The following LPP variants were observed in gnomAD, a reference collection of about 807,000 sequenced individuals.
The protein encoded by LPP is LIM domain containing preferred translocation partner in lipoma.
LPP carries 38 observed loss-of-function variants against 60.4 expected under a neutral mutation model. The observed-to-expected ratio is 0.63, with a 90% confidence interval of 0.49 to 0.83. The LOEUF is 0.83. Among genes scored for constraint, LPP ranks in the 40% least tolerant of loss-of-function variants. The pLI is 0.00. For missense variants in LPP, 902 were observed against 783.6 expected, an observed-to-expected ratio of 1.15 and a Z score of -1.80; for synonymous variants, 328 against 290.8, an observed-to-expected ratio of 1.13 and a Z score of -1.30.
intron 5 of LPP, among the ~76,000 whole-genome samples, chr3:188,523,161 C>G (rs921777288): frequency 6.6e-6 from 1 of 152,030 alleles, no homozygotes; most frequent in Non-Finnish European, 1.5e-5. Flanking sequence ...CCCGCCTTGG[C>G]CTCGAAACCT....
intron 4 of LPP, among the ~76,000 whole-genome samples, chr3:188,406,803 T>G (rs1471126067): frequency 6.6e-6 from 1 of 152,168 alleles, no homozygotes; most frequent in African/African-American, 2.4e-5. Context: ...GAAGGATAAG[T>G]TGTCTAGAGT....
intron 7 of LPP, among the ~76,000 whole-genome samples, chr3:188,677,707 A>T (rs1858437679): frequency 6.6e-6 from 1 of 152,216 alleles, no homozygotes; most frequent in East Asian, 1.9e-4. Context: ...TTACATTAAG[A>T]GGAGTTTTGA....
chr3:188,677,357 C>T (rs1216750119), intron 7 of LPP, among the ~76,000 whole-genome samples: 1 of 152,110 alleles, frequency 6.6e-6, no homozygotes, highest in Non-Finnish European at 1.5e-5. Flanking sequence ...CTTGTTATCC[C>T]CATCCTCAAA....
intron 2 of LPP, among the ~76,000 whole-genome samples, chr3:188,323,694 G>T (rs139538655): frequency 1.6e-4 from 24 of 152,324 alleles, no homozygotes; most frequent in African/African-American, 5.3e-4. Flanking sequence ...TTATTGCTAT[G>T]CTGCTAGAGT....
intron 7 of LPP, among the ~76,000 whole-genome samples, chr3:188,653,750 T>C (rs1477309467): frequency 1.3e-5 from 2 of 152,240 alleles, no homozygotes; most frequent in African/African-American, 4.8e-5. Context: ...TTCTTGGTTT[T>C]TGTTTCTTTG....
intron 2 of LPP, among the ~76,000 whole-genome samples, chr3:188,234,079 T>G (rs1214137172): frequency 6.6e-6 from 1 of 152,164 alleles, no homozygotes; most frequent in Non-Finnish European, 1.5e-5. Flanking sequence ...CCTCCTGTGT[T>G]GCTCCTTCCC....
intron 7 of LPP, among the ~76,000 whole-genome samples, chr3:188,638,314 G>A (rs1212340826): frequency 6.9e-6 from 1 of 144,982 alleles, no homozygotes; most frequent in Admixed American, 6.9e-5. Context: ...AAATTCAACA[G>A]CCCTTCATGC....
intron 7 of LPP, among the ~76,000 whole-genome samples, chr3:188,701,944 C>CTTTTTTTTTTTTTTTTTTTTTTTTT (rs35803152): frequency 1.2e-5 from 1 of 83,548 alleles, no homozygotes; most frequent in Non-Finnish European, 2.1e-5. Flanking sequence ...GTTTTTTTCC[C>CTTTTTTTTTTTTTTTTTTTTTTTTT]TTTTTTTTTT....
chr3:188,192,708 G>A (rs1257154890), intron 1 of LPP, among the ~76,000 whole-genome samples: 1 of 152,112 alleles, frequency 6.6e-6, no homozygotes, highest in African/African-American at 2.4e-5. Context: ...TGAACGTTCC[G>A]CTTTTCCACT....
At chr3:188,644,167 CATAA>C (rs1218359292) in intron 7 of LPP, among the ~76,000 whole-genome samples, 1 of 152,160 alleles carries the variant, frequency 6.6e-6, no homozygotes, top group African/African-American at 2.4e-5. Flanking sequence ...GCTAGACTTT[CATAA>C]ATAGAGATGA....
chr3:188,494,934 G>T (rs1183866366), intron 5 of LPP, among the ~76,000 whole-genome samples: 2 of 150,624 alleles, frequency 1.3e-5, no homozygotes, highest in African/African-American at 4.9e-5. Flanking sequence ...TATTTTCACT[G>T]TTGTGATATT....
intron 7 of LPP, among the ~76,000 whole-genome samples, chr3:188,640,261 C>T (rs555801905): frequency 8.8e-4 from 133 of 150,848 alleles, no homozygotes; most frequent in Middle Eastern, 3.5e-3. Context: ...AGTAAGCTAT[C>T]GCAAGAACAA....
intron 9 of LPP, among the ~76,000 whole-genome samples, chr3:188,799,382 C>A (rs1746321211): frequency 6.6e-6 from 1 of 152,188 alleles, no homozygotes; most frequent in South Asian, 2.1e-4. Flanking sequence ...GACTTGTATG[C>A]TGACCTACTT....
At chr3:188,591,169 T>C (rs1201040768) in intron 6 of LPP, among the ~76,000 whole-genome samples, 1 of 152,200 alleles carries the variant, frequency 6.6e-6, no homozygotes, top group South Asian at 2.1e-4. Flanking sequence ...TGTTGTGCTT[T>C]CCCACAAAAT....
At chr3:188,416,154 T>C (rs185200889) in intron 4 of LPP, among the ~76,000 whole-genome samples, 295 of 152,300 alleles carry the variant, frequency 1.9e-3, no homozygotes, top group African/African-American at 6.8e-3. Context: ...GATATCTTAA[T>C]GTATTCTTCT....
chr3:188,810,924 C>T (rs921061243), intron 9 of LPP, among the ~76,000 whole-genome samples: 1 of 151,972 alleles, frequency 6.6e-6, no homozygotes, highest in African/African-American at 2.4e-5. Flanking sequence ...TATTAGTAGA[C>T]ATTTGAATTA....
intron 4 of LPP, among the ~76,000 whole-genome samples, chr3:188,469,796 A>G (rs1801363948): frequency 6.6e-6 from 1 of 152,150 alleles, no homozygotes; most frequent in Non-Finnish European, 1.5e-5. Flanking sequence ...ACTTAACTAT[A>G]TTTTATATTT....
At chr3:188,557,677 T>C (rs1829792862) in intron 6 of LPP, among the ~76,000 whole-genome samples, 1 of 152,144 alleles carries the variant, frequency 6.6e-6, no homozygotes, top group Non-Finnish European at 1.5e-5. Flanking sequence ...AACATATTTG[T>C]CTGAGTAAGG....
At chr3:188,831,930 TC>T (rs1757242985) in intron 9 of LPP, among the ~76,000 whole-genome samples, 1 of 152,192 alleles carries the variant, frequency 6.6e-6, no homozygotes, top group Non-Finnish European at 1.5e-5. Flanking sequence ...TATATATGTG[TC>T]CCATAGATTT....
Sources: allele counts gnomAD v4.1 joint callset (sites outside exome capture counted in the v4.1 genomes callset), GRCh38; gene constraint gnomAD v4.1.1; transcripts MANE v1.5; gene names NCBI Gene and HGNC (gene_info 2026-07-23, HGNC 2026-07-21).